ECHDC2: variants seen among roughly 807,000 people sequenced by gnomAD.
The protein encoded by ECHDC2 is enoyl-CoA hydratase domain-containing protein 2, mitochondrial.
In ECHDC2, 34 loss-of-function variants were observed where a neutral mutation model predicts 40.6. That is an observed-to-expected ratio of 0.84 (90% CI 0.64 to 1.11). ECHDC2 has a LOEUF of 1.11. ECHDC2 is among the 50% of genes most tolerant of loss of function. The pLI, the probability that ECHDC2 is intolerant of heterozygous loss-of-function variation, is 0.00. For synonymous variants in ECHDC2, 162 were observed against 166.6 expected, an observed-to-expected ratio of 0.97 and a Z score of 0.21; for missense variants, 392 against 400.7, an observed-to-expected ratio of 0.98 and a Z score of 0.19.
At chr1:52,907,801 G>A in intron 4 of ECHDC2, 67 bp downstream of exon 4, 3 of 1,333,194 alleles carry the variant, frequency 2.3e-6, no homozygotes, top group Non-Finnish European at 1.1e-6. Context: ...ATGCTGGTGG[G>A]GGTAGCGGGA....
chr1:52,897,546 G>A (rs1313610337), intron 8 of ECHDC2, 62 bp from the exon 9 acceptor site: 5 of 1,542,588 alleles, frequency 3.2e-6, no homozygotes, highest in Non-Finnish European at 4.5e-6. Flanking sequence ...CACACTGGAA[G>A]CCAGCCCACC....
rs376450584 is a variant in ECHDC2, at chr1:52,904,765, G to A, written c.583C>T (p.Arg195Ter). ...LAKELIFTGR[R>*]LSGTEAHVLG... Reference sequence around the variant, plus strand: ...ACGTGGGCCTCAGTTCCACTCAGTCGTCGGCCCGTGAAGATGAGCTCCTTC... The same window carrying A: ...ACGTGGGCCTCAGTTCCACTCAGTCATCGGCCCGTGAAGATGAGCTCCTTC... The change falls in exon 7 of 10, where the codon CGA (arginine) becomes TGA (stop). Residue 195 changes from arginine to a stop codon, truncating the protein, a stop_gained. Transcript: ENST00000371522. LOFTEE classifies it high-confidence loss of function. 27 of 1,612,854 alleles carry A rather than the reference G, an allele frequency of 1.7e-5. No individual in the cohort carries two copies. Among genetic ancestry groups the A allele is most frequent in the South Asian group, 7.7e-5 (7 of 91,078 alleles).
At chr1:52,918,369 A>AG (rs1212257980) in intron 1 of ECHDC2, among the ~76,000 whole-genome samples, 2 of 151,830 alleles carry the variant, frequency 1.3e-5, no homozygotes, top group African/African-American at 4.8e-5. Flanking sequence ...AAAAAAAAAA[A>AG]AAAAAAGAAA....
chr1:52,904,381 C>T (rs1321859647), intron 7 of ECHDC2, among the ~76,000 whole-genome samples: 4 of 152,206 alleles, frequency 2.6e-5, no homozygotes, highest in African/African-American at 9.6e-5. Context: ...GAACATTTAT[C>T]TCATCTCAGA....
intron 3 of ECHDC2, 65 bp from the exon 4 acceptor site, chr1:52,908,019 T>C (rs1023199638): frequency 4.7e-6 from 7 of 1,494,612 alleles, no homozygotes; most frequent in Non-Finnish European, 6.5e-6. Flanking sequence ...CCCAGGCGGT[T>C]AAAGGATCCA....
At chr1:52,896,724 C>T (rs930488292) in intron 9 of ECHDC2, 127 bp from the exon 10 acceptor site, 92 of 760,380 alleles carry the variant, frequency 1.2e-4, no homozygotes, top group Non-Finnish European at 1.7e-4. Context: ...GGACTCTGAT[C>T]TTGAGGCATG....
chr1:52,901,059 T>TAG (rs1361949684), intron 7 of ECHDC2: 1 of 152,054 alleles, frequency 6.6e-6, no homozygotes, highest in Non-Finnish European at 1.5e-5. Flanking sequence ...TCAGTAGTCT[T>TAG]AGGTGGAAGG....
At chr1:52,897,595 T>C (rs1646720023) in intron 8 of ECHDC2, 111 bp from the exon 9 acceptor site, 2 of 1,028,248 alleles carry the variant, frequency 1.9e-6, no homozygotes, top group Non-Finnish European at 3.1e-6. Flanking sequence ...GAGATAGCTA[T>C]GAGAAGGAAT....
Position 52,911,736 on chromosome 1 carries a change from A to ACATT in ECHDC2, c.172_175dup (p.Val59GlufsTer6), listed in dbSNP as rs1174030419. ...GCCCTTTCTTACCTCACTGACGAAG[A>ACATT]CATTCCCCAAGGCATTGCGGGCAGA... is the stretch of plus-strand genomic sequence containing the variant. On this transcript the variant is annotated frameshift_variant, in exon 2 of 10. Transcript: ENST00000371522. LOFTEE classifies it high-confidence loss of function. 1.2e-6 allele frequency: 2 copies of ACATT among 1,614,100 alleles called. No homozygotes were observed. The highest frequency in any genetic ancestry group is 3.3e-5 in the Admixed American group (2 of 60,028).
intron 1 of ECHDC2, chr1:52,915,285 AGCTTTGTCTGTAAACAAGCAGT>A (rs2150068091): frequency 4.4e-6 from 2 of 455,988 alleles, no homozygotes; most frequent in African/African-American, 4.0e-5. Flanking sequence ...CAGGGTCCTC[AGCTTTGTCTGTAAACAAGCAGT>A]GTTTATGAAG....
At chr1:52,920,927 A>G (rs1308590608) in intron 1 of ECHDC2, among the ~76,000 whole-genome samples, 1 of 152,148 alleles carries the variant, frequency 6.6e-6, no homozygotes, top group Non-Finnish European at 1.5e-5. Flanking sequence ...AGAAGTTCAA[A>G]CAACAACAAC....
intron 1 of ECHDC2, chr1:52,921,320 G>A (rs974140129): frequency 4.2e-6 from 4 of 942,156 alleles, no homozygotes; most frequent in Admixed American, 7.5e-5. Context: ...AGACCCCAAA[G>A]GGCCTTTGAA....
intron 3 of ECHDC2, among the ~76,000 whole-genome samples, chr1:52,910,883 G>A (rs1385677831): frequency 6.6e-6 from 1 of 152,196 alleles, no homozygotes; most frequent in Non-Finnish European, 1.5e-5. Context: ...GGGTGAGCAG[G>A]AGTAGAGAGT....
chr1:52,905,727 C>T (rs888305007), intron 5 of ECHDC2: 2 of 160,194 alleles, frequency 1.2e-5, no homozygotes, highest in Non-Finnish European at 2.8e-5. Context: ...TTTACATTCA[C>T]TCCGTCTTAG....
At position 52,921,593 on chromosome 1, in the gene ECHDC2, G is replaced by A; in HGVS notation, c.81C>T (p.Gly27=). Residue 27 remains glycine (G), a synonymous_variant, in exon 1 of 10, where the codon GGC becomes GGT. Transcript: ENST00000371522. ...CCAGGGCGCGCACTTGGATCTCTGA[G>A]CCCCCGGCCGCCCCGTCGGAAGCGC... ...RGCASDGAAG[G]SEIQVRALAG... The A allele has an allele frequency of 1.2e-6, 2 of 1,605,884 alleles. No individual in the cohort carries two copies. The highest frequency in any genetic ancestry group is 2.2e-5 in the South Asian group (2 of 89,826).
rs1650265379 is a variant in ECHDC2 at position 52,914,579 on chromosome 1, C to T, written c.122-2789G>A. Among the ~76,000 whole-genome samples the T allele has an allele frequency of 6.6e-6, 1 of 152,148 alleles. No homozygotes were observed. Among genetic ancestry groups the T allele is most frequent in the African/African-American group, 2.4e-5 (1 of 41,416 alleles). On this transcript the variant is annotated intron_variant, in intron 1 of 9. Coordinates refer to ENST00000371522, the MANE Select transcript of ECHDC2 (RefSeq NM_001198961.2). This position sits in a 1 kb window ranked among gnomAD's most constrained non-coding sequence, Gnocchi z 4.0. Reference sequence around the variant, plus strand: ...CCTGCCTCCTGTACACCCAGGGCTCCCGTGTGTGCCCAGGAGCCCAGAGCT... The same window carrying T: ...CCTGCCTCCTGTACACCCAGGGCTCTCGTGTGTGCCCAGGAGCCCAGAGCT...
intron 1 of ECHDC2, among the ~76,000 whole-genome samples, chr1:52,916,056 G>A (rs375026927): frequency 8.5e-5 from 13 of 152,252 alleles, no homozygotes; most frequent in Admixed American, 8.5e-4. Flanking sequence ...GATCTTTCCC[G>A]TCAAGCCTGG....
rs1239828811 is a variant in ECHDC2, at chr1:52,896,429, T to G, written c.*91A>C. On this transcript the variant is annotated 3_prime_UTR_variant, in exon 10 of 10. Coordinates refer to ENST00000371522, the MANE Select transcript of ECHDC2 (RefSeq NM_001198961.2). ...GTGAAGAAATGGAAGTCTGGAGAGGTGAAATGATGAAGGCAATCTGGCCAC... is the reference window on the plus strand; with the variant it reads ...GTGAAGAAATGGAAGTCTGGAGAGGGGAAATGATGAAGGCAATCTGGCCAC... The G allele has an allele frequency of 1.0e-6, 1 of 992,748 alleles. No homozygotes were observed. The highest frequency in any genetic ancestry group is 2.4e-5 in the East Asian group (1 of 41,946). 61.5% of individuals were successfully genotyped at this position (992,748 alleles called of 1,614,324 possible).
chr1:52,921,476 G>T, intron 1 of ECHDC2, 77 bp downstream of exon 1: 2 of 1,510,684 alleles, frequency 1.3e-6, no homozygotes, highest in African/African-American at 1.4e-5. Flanking sequence ...CGCACTGAGC[G>T]GCCCACCTGC....
Sources: allele counts gnomAD v4.1 joint callset (sites outside exome capture counted in the v4.1 genomes callset), GRCh38; gene constraint gnomAD v4.1.1; non-coding constraint Gnocchi (gnomAD v3.1); transcripts MANE v1.5; gene names NCBI Gene and HGNC (gene_info 2026-07-23, HGNC 2026-07-21).